MED13L: variants seen among roughly 807,000 people sequenced by gnomAD.
The protein encoded by MED13L is mediator complex subunit 13L.
Under a neutral mutation model 220.9 loss-of-function variants are expected in MED13L, and 7 were observed. The ratio of observed to expected loss-of-function variants is 0.03; its 90% CI spans 0.02 to 0.06. MED13L has a LOEUF of 0.06. Among genes scored for constraint, MED13L ranks in the 10% least tolerant of loss-of-function variants. The pLI is 1.00. For missense variants in MED13L, 1,965 were observed against 2,760.5 expected, an observed-to-expected ratio of 0.71 and a Z score of 6.46; for synonymous variants, 1,011 against 1,015.2, an observed-to-expected ratio of 1.00 and a Z score of 0.08.
At chr12:116,255,585 C>T (rs1396601646) in intron 1 of MED13L, among the ~76,000 whole-genome samples, 1 of 152,172 alleles carries the variant, frequency 6.6e-6, no homozygotes, top group Non-Finnish European at 1.5e-5. Flanking sequence ...AAAAGGCACA[C>T]CACAAATTAG....
At chr12:116,170,728 G>A (rs1312328648) in intron 2 of MED13L, among the ~76,000 whole-genome samples, 1 of 151,296 alleles carries the variant, frequency 6.6e-6, no homozygotes, top group Non-Finnish European at 1.5e-5. Context: ...AGCCTCCTGA[G>A]TAGCTGGGAT....
intron 2 of MED13L, among the ~76,000 whole-genome samples, chr12:116,207,803 G>A (rs546382708): frequency 5.7e-4 from 87 of 151,952 alleles, no homozygotes; most frequent in Non-Finnish European, 1.0e-3. Context: ...AAAGACATGC[G>A]TCTAAGTCTG....
intron 4 of MED13L, among the ~76,000 whole-genome samples, chr12:116,033,083 GT>G: frequency 6.8e-6 from 1 of 147,144 alleles, no homozygotes; most frequent in South Asian, 2.2e-4. Flanking sequence ...ATTGGGTTTT[GT>G]TTTTTTAAAA....
At chr12:116,003,588 T>C (rs761646427) in intron 13 of MED13L, among the ~76,000 whole-genome samples, 1 of 152,140 alleles carries the variant, frequency 6.6e-6, no homozygotes, top group Non-Finnish European at 1.5e-5. Context: ...AATAACCTTA[T>C]TGTGTAAAAT....
intron 4 of MED13L, among the ~76,000 whole-genome samples, chr12:116,031,249 A>G (rs1007658426): frequency 1.6e-4 from 25 of 152,258 alleles, no homozygotes; most frequent in African/African-American, 6.0e-4. Context: ...TATCCAAGTC[A>G]ATGCAATAAG....
chr12:115,963,952 T>C (rs1486681065), intron 29 of MED13L, among the ~76,000 whole-genome samples: 2 of 151,940 alleles, frequency 1.3e-5, no homozygotes, highest in Non-Finnish European at 2.9e-5. Context: ...CTGGGCATGG[T>C]GGTGTGTGCC....
At chr12:116,161,208 T>C (rs1276901069) in intron 2 of MED13L, among the ~76,000 whole-genome samples, 1 of 152,068 alleles carries the variant, frequency 6.6e-6, no homozygotes, top group African/African-American at 2.4e-5. Context: ...CTCCCAACAC[T>C]ATTGCACCAG....
intron 2 of MED13L, among the ~76,000 whole-genome samples, chr12:116,141,645 C>T (rs1291156229): frequency 1.3e-5 from 2 of 152,114 alleles, no homozygotes; most frequent in Non-Finnish European, 2.9e-5. Context: ...CTTCTCACCA[C>T]CCTCACCACA....
chr12:115,995,708 C>A (rs1878355713), intron 16 of MED13L, among the ~76,000 whole-genome samples: 1 of 152,180 alleles, frequency 6.6e-6, no homozygotes, highest in South Asian at 2.1e-4. Context: ...ACGGTTTGAG[C>A]CACCGCACCC....
At chr12:116,190,963 G>A (rs1313027974) in intron 2 of MED13L, among the ~76,000 whole-genome samples, 7 of 151,972 alleles carry the variant, frequency 4.6e-5, no homozygotes, top group South Asian at 2.1e-4. Context: ...GTGGTGGTGC[G>A]TGCCTGTAGT....
chr12:116,017,280 G>C (rs2137424274), intron 7 of MED13L, among the ~76,000 whole-genome samples: 1 of 152,278 alleles, frequency 6.6e-6, no homozygotes, highest in East Asian at 1.9e-4. Flanking sequence ...TGACTATTAA[G>C]AGTTCTGAAC....
At chr12:116,256,001 A>G (rs538824326) in intron 1 of MED13L, among the ~76,000 whole-genome samples, 78 of 152,334 alleles carry the variant, frequency 5.1e-4, no homozygotes, top group African/African-American at 1.9e-3. Context: ...CAAGCATTTT[A>G]GATAAAAGAT....
At chr12:116,108,044 C>T (rs1384793101) in intron 3 of MED13L, among the ~76,000 whole-genome samples, 2 of 151,588 alleles carry the variant, frequency 1.3e-5, no homozygotes, top group Admixed American at 6.6e-5. Flanking sequence ...GAGCCGAGAT[C>T]GTGCCACTGC....
chr12:116,107,284 C>T (rs755586742), intron 3 of MED13L, among the ~76,000 whole-genome samples: 5 of 152,128 alleles, frequency 3.3e-5, no homozygotes, highest in Non-Finnish European at 7.4e-5. Context: ...GTGATCTTTT[C>T]GGTGTTTTTA....
intron 29 of MED13L, among the ~76,000 whole-genome samples, 199 bp downstream of exon 29, chr12:115,965,883 G>T (rs1015863463): frequency 6.6e-6 from 1 of 152,002 alleles, no homozygotes; most frequent in Non-Finnish European, 1.5e-5. Flanking sequence ...TCATTTCTTT[G>T]TGACATGGTT....
chr12:116,148,051 C>CA (rs10678970), intron 2 of MED13L, among the ~76,000 whole-genome samples: 2,020 of 18,012 alleles, frequency 0.11, 130 homozygotes, highest in Non-Finnish European at 0.15. Context: ...GACCCCATCT[C>CA]AAAAAAAAAA....
At chr12:116,054,210 ACAAAC>A (rs1868752349) in intron 4 of MED13L, among the ~76,000 whole-genome samples, 2 of 148,438 alleles carry the variant, frequency 1.3e-5, no homozygotes, top group Non-Finnish European at 3.0e-5. Context: ...ACACACACAC[ACAAAC>A]ACACACACAC....
At chr12:116,058,432 T>C (rs937439310) in intron 4 of MED13L, among the ~76,000 whole-genome samples, 2 of 152,286 alleles carry the variant, frequency 1.3e-5, no homozygotes, top group Middle Eastern at 3.4e-3. Context: ...TACTGATGAG[T>C]CTGTATACAT....
intron 2 of MED13L, among the ~76,000 whole-genome samples, chr12:116,171,131 C>T (rs546244279): frequency 6.6e-6 from 1 of 152,314 alleles, no homozygotes; most frequent in South Asian, 2.1e-4. Flanking sequence ...CTTGTGGGAT[C>T]TCCCGAAACG....
Sources: allele counts gnomAD v4.1 joint callset (sites outside exome capture counted in the v4.1 genomes callset), GRCh38; gene constraint gnomAD v4.1.1; transcripts MANE v1.5; gene names NCBI Gene and HGNC (gene_info 2026-07-23, HGNC 2026-07-21).